Variants in NR6A1 observed in about 807,000 individuals in gnomAD.
NR6A1 encodes nuclear receptor subfamily 6 group A member 1.
Under a neutral mutation model 59.1 loss-of-function variants are expected in NR6A1, and 7 were observed. The ratio of observed to expected loss-of-function variants is 0.12; its 90% CI spans 0.07 to 0.22. The LOEUF (loss-of-function observed/expected upper bound fraction) is 0.22, where lower values mean the gene tolerates loss of function less well. Among genes scored for constraint, NR6A1 ranks in the 10% least tolerant of loss-of-function variants. The probability of loss-of-function intolerance (pLI) is 1.00; values close to 1 mark genes in which losing one functional copy is unlikely to be tolerated. For missense variants in NR6A1, 468 were observed against 611.6 expected (o/e 0.77, Z 2.48); for synonymous variants, 243 against 236.1 (o/e 1.03, Z -0.27).
Position 124,527,011 on chromosome 9 carries a change from G to A in NR6A1, c.1080-111C>T, listed in dbSNP as rs528513322. 23 of 1,325,788 alleles carry A rather than the reference G, an allele frequency of 1.7e-5. No individual in the cohort carries two copies. The Admixed American group carries it at 4.0e-4, about 23-fold the overall frequency. 82.1% of individuals were successfully genotyped at this position (1,325,788 alleles called of 1,614,324 possible). A position where few individuals can be genotyped will look rare whatever the true frequency, so the allele number is the denominator to read the frequency against. ...TAAACAGGCTGAGCTTGGGGGAAAT[G>A]GGATCCAAAGCCACTTGGGAAGTAC... On this transcript the variant is annotated intron_variant, in intron 7 of 9. Coordinates refer to ENST00000487099, the MANE Select transcript of NR6A1 (RefSeq NM_033334.4).
At chr9:124,623,642 C>T (rs1395230445) in intron 2 of NR6A1, among the ~76,000 whole-genome samples, 1 of 152,148 alleles carries the variant, frequency 6.6e-6, no homozygotes, top group Non-Finnish European at 1.5e-5. Context: ...AGGCATGGGC[C>T]ACCACACCCA....
chr9:124,696,197 TGC>T (rs1838754109), intron 2 of NR6A1, among the ~76,000 whole-genome samples: 1 of 152,124 alleles, frequency 6.6e-6, no homozygotes, highest in Non-Finnish European at 1.5e-5. Context: ...CCGTTTTAAA[TGC>T]TAAACTCAGC....
At position 124,522,502 on chromosome 9, in the gene NR6A1, T is replaced by C. The variant is rs1319090587; in HGVS notation, c.*203A>G. On this transcript the variant is annotated 3_prime_UTR_variant, in exon 10 of 10. Coordinates refer to ENST00000487099, the MANE Select transcript of NR6A1 (RefSeq NM_033334.4). ...AGCATGTGCATCATGTTGAAGGCCA[T>C]ACATTCAACTCTGTCGTGAAATAAA... The C allele has an allele frequency of 2.3e-6, 1 of 426,440 alleles. No individual in the cohort carries two copies. Among genetic ancestry groups the C allele is most frequent in the Non-Finnish European group, 4.4e-6 (1 of 229,416 alleles). 26.4% of individuals were successfully genotyped at this position (426,440 alleles called of 1,614,324 possible).
At chr9:124,552,576 G>A (rs568504426) in intron 3 of NR6A1, among the ~76,000 whole-genome samples, 2 of 152,264 alleles carry the variant, frequency 1.3e-5, no homozygotes, top group South Asian at 2.1e-4. Context: ...TACATTGTCC[G>A]TGTCCGTATT....
intron 2 of NR6A1, among the ~76,000 whole-genome samples, chr9:124,657,864 C>T (rs1383936012): frequency 6.6e-6 from 1 of 152,174 alleles, no homozygotes; most frequent in African/African-American, 2.4e-5. Flanking sequence ...TAAAACTTCA[C>T]TTCTCTGTTG....
At chr9:124,583,863 G>C (rs1467076909) in intron 2 of NR6A1, among the ~76,000 whole-genome samples, 1 of 152,152 alleles carries the variant, frequency 6.6e-6, no homozygotes, top group Non-Finnish European at 1.5e-5. Flanking sequence ...CCTCTGCACA[G>C]CTTCTGTACT....
rs1393240158 is a variant in NR6A1, at chr9:124,538,120, A to G, written c.796T>C (p.Leu266=). The G allele has an allele frequency of 2.2e-5, 35 of 1,613,072 alleles. No homozygotes were observed. Among genetic ancestry groups the G allele is most frequent in the East Asian group, 2.0e-4 (9 of 44,890 alleles). ...TCTTCAATCAACATGGGCGTGCCCA[A>G]TGGTTCCAGGTCCTCGGCTGATAAC... ...QLLSAEDLEP[L]GTPMLIEDGY... is the part of the protein sequence containing the mutation. Residue 266 remains leucine (L), a synonymous_variant, in exon 6 of 10, where the codon TTG becomes CTG. Transcript: ENST00000487099.
rs566234688 is a variant in NR6A1 at position 124,716,821 on chromosome 9, G to A, written c.142+16487C>T. Among the ~76,000 whole-genome samples the A allele has an allele frequency of 4.6e-5, 7 of 152,152 alleles. No homozygotes were observed. In the East Asian group the frequency reaches 5.8e-4, roughly 13 times the overall value. On this transcript the variant is annotated intron_variant, in intron 2 of 9. Transcript: ENST00000487099. The stretch of plus-strand genomic sequence containing the variant: ...TAATTTTTGTATTTTTAGTAGAGAC[G>A]GGGTTTCGCCATGTTGCCTTGCCCA...
At chr9:124,657,770 AG>A (rs1482649142) in intron 2 of NR6A1, among the ~76,000 whole-genome samples, 1 of 151,824 alleles carries the variant, frequency 6.6e-6, no homozygotes, top group African/African-American at 2.4e-5. Flanking sequence ...TAATGTGACT[AG>A]GACTGGGACA....
intron 2 of NR6A1, among the ~76,000 whole-genome samples, chr9:124,668,802 A>G (rs1444495581): frequency 6.6e-6 from 1 of 152,202 alleles, no homozygotes; most frequent in African/African-American, 2.4e-5. Flanking sequence ...GGTCTGACCA[A>G]TGTACATCCC....
chr9:124,593,521 C>T (rs1215116476), intron 2 of NR6A1, among the ~76,000 whole-genome samples: 1 of 152,106 alleles, frequency 6.6e-6, no homozygotes, highest in African/African-American at 2.4e-5. Flanking sequence ...CTCTCCAATT[C>T]AATACAGTAT....
Position 124,536,015 on chromosome 9 carries a change from C to T in NR6A1, c.942G>A (p.Lys314=). ...TAGAGCTCAAGAGGCACGTGTAATC[C>T]TTGATTGAGAGCTCGCAGAAGAAAG... The part of the protein sequence containing the change: ...KLPFFCELSI[K]DYTCLLSSTW... Residue 314 remains lysine (K), a synonymous_variant, in exon 7 of 10, where the codon AAG becomes AAA. Transcript: ENST00000487099. 3.1e-6 allele frequency: 5 copies of T among 1,614,180 alleles called. No homozygotes were observed. Among genetic ancestry groups the T allele is most frequent in the Non-Finnish European group, 4.2e-6 (5 of 1,180,020 alleles).
chr9:124,637,892 CAAAAAAAAAAAA>C (rs796714741), intron 2 of NR6A1, among the ~76,000 whole-genome samples: 5 of 78,982 alleles, frequency 6.3e-5, no homozygotes, highest in South Asian at 5.0e-4. Context: ...ACTCCCTCTC[CAAAAAAAAAAAA>C]AAAAAAAAGA....
At chr9:124,596,808 T>C (rs1331183621) in intron 2 of NR6A1, among the ~76,000 whole-genome samples, 1 of 152,218 alleles carries the variant, frequency 6.6e-6, no homozygotes, top group Non-Finnish European at 1.5e-5. Context: ...TAATGGCACA[T>C]GATGTCAAAC....
chr9:124,575,560 C>T (rs566145789), intron 2 of NR6A1, among the ~76,000 whole-genome samples: 14 of 152,014 alleles, frequency 9.2e-5, no homozygotes, highest in Non-Finnish European at 1.5e-5. Context: ...GGTGACAGAT[C>T]GAGACTCTGT....
intron 3 of NR6A1, among the ~76,000 whole-genome samples, chr9:124,548,039 C>T (rs1833652202): frequency 6.7e-6 from 1 of 149,996 alleles, no homozygotes; most frequent in African/African-American, 2.5e-5. Flanking sequence ...GCCTATGCCT[C>T]ACTCTCAAAT....
intron 2 of NR6A1, among the ~76,000 whole-genome samples, chr9:124,611,620 A>T (rs1045944759): frequency 6.6e-6 from 1 of 152,060 alleles, no homozygotes; most frequent in African/African-American, 2.4e-5. Flanking sequence ...ATGGTGGCAC[A>T]TGCCTGTAAT....
intron 4 of NR6A1, among the ~76,000 whole-genome samples, chr9:124,540,834 C>T (rs1214165785): frequency 6.6e-6 from 1 of 151,988 alleles, no homozygotes; most frequent in African/African-American, 2.4e-5. Context: ...ACAAAAAACC[C>T]CAAATGTCAT....
intron 2 of NR6A1, among the ~76,000 whole-genome samples, chr9:124,554,819 A>C (rs1369592662): frequency 1.3e-5 from 2 of 152,172 alleles, no homozygotes; most frequent in African/African-American, 4.8e-5. Flanking sequence ...TCTAAGACTG[A>C]AACCTAGAAA....
Sources: allele counts gnomAD v4.1 joint callset (sites outside exome capture counted in the v4.1 genomes callset), GRCh38; gene constraint gnomAD v4.1.1; transcripts MANE v1.5; gene names NCBI Gene and HGNC (gene_info 2026-07-23, HGNC 2026-07-21).